ACTR3: variants seen among roughly 807,000 people sequenced by gnomAD.
ACTR3 encodes the protein actin related protein 3, also known as actin-related protein 3.
A neutral mutation model predicts 56.8 loss-of-function variants in ACTR3; 12 were observed. The observed-to-expected ratio is 0.21, with a 90% CI of 0.14 to 0.34. The LOEUF is 0.34. Among genes scored for constraint, ACTR3 ranks in the 10% least tolerant of loss-of-function variants. The pLI is 1.00. For missense variants in ACTR3, 282 were observed against 512.5 expected, an observed-to-expected ratio of 0.55 and a Z score of 4.34; for synonymous variants, 162 against 167.4, an observed-to-expected ratio of 0.97 and a Z score of 0.25.
intron 4 of ACTR3, among the ~76,000 whole-genome samples, chr2:113,928,446 A>AT (rs1231245580): frequency 6.6e-6 from 1 of 152,166 alleles, no homozygotes; most frequent in African/African-American, 2.4e-5. Flanking sequence ...GTGTATGGTT[A>AT]TTCTTTTCAT....
At chr2:113,942,391 A>G (rs780907740) in intron 8 of ACTR3, 32 bp downstream of exon 8, 8 of 1,434,154 alleles carry the variant, frequency 5.6e-6, no homozygotes, top group Non-Finnish European at 7.5e-6. Context: ...GTTTAAAAGT[A>G]TTCAGCAGCA....
chr2:113,936,766 A>G (rs1308917127), intron 6 of ACTR3, among the ~76,000 whole-genome samples: 5 of 152,212 alleles, frequency 3.3e-5, no homozygotes, highest in Admixed American at 6.5e-5. Context: ...AAATTGTGAT[A>G]TAACTACAAT....
chr2:113,908,095 T>C (rs1679233216), intron 1 of ACTR3, among the ~76,000 whole-genome samples: 1 of 151,940 alleles, frequency 6.6e-6, no homozygotes, highest in African/African-American at 2.4e-5. Context: ...GAGAAATGCT[T>C]AATAGGAAAG....
chr2:113,898,236 A>G (rs1679043924), intron 1 of ACTR3, among the ~76,000 whole-genome samples: 6 of 152,060 alleles, frequency 3.9e-5, no homozygotes, highest in Admixed American at 3.9e-4. Flanking sequence ...GTACAAATAT[A>G]GCATTTAATG....
intron 1 of ACTR3, among the ~76,000 whole-genome samples, chr2:113,899,334 A>G (rs1037685733): frequency 2.0e-5 from 3 of 152,184 alleles, no homozygotes; most frequent in Non-Finnish European, 2.9e-5. Context: ...TTTACTCACT[A>G]TGTATTATGT....
At chr2:113,908,323 A>G (rs2104589194) in intron 1 of ACTR3, among the ~76,000 whole-genome samples, 1 of 149,796 alleles carries the variant, frequency 6.7e-6, no homozygotes, top group Non-Finnish European at 1.5e-5. Context: ...TTTCTTCTTT[A>G]TGGTGACTAT....
In ACTR3 at chr2:113,960,278, A is replaced by T. The variant is rs941570584; in HGVS notation, c.*2823A>T. The T allele has an allele frequency of 7.9e-5, 12 of 152,108 alleles. No homozygotes were observed. The highest frequency in any genetic ancestry group is 2.4e-4 in the African/African-American group (10 of 41,548). The allele number at this position is 152,108 out of a possible 1,614,324, so 9.4% of individuals were successfully genotyped here. ...TTAATTCATGGCACCTACTATAAGTACTCATCCTCTTCTTACCTATCTTCT... is the reference window on the plus strand; with the variant it reads ...TTAATTCATGGCACCTACTATAAGTTCTCATCCTCTTCTTACCTATCTTCT... On this transcript the variant is annotated 3_prime_UTR_variant, in exon 12 of 12. Transcript: ENST00000263238.
At chr2:113,926,877 T>G (rs567178272) in intron 3 of ACTR3, among the ~76,000 whole-genome samples, 5 of 150,458 alleles carry the variant, frequency 3.3e-5, no homozygotes, top group African/African-American at 1.2e-4. Context: ...TATAACATTT[T>G]ATGTGCTTGA....
intron 3 of ACTR3, among the ~76,000 whole-genome samples, chr2:113,927,047 C>T (rs1227248373): frequency 1.3e-5 from 2 of 152,118 alleles, no homozygotes; most frequent in Non-Finnish European, 1.5e-5. Context: ...CCTTTTATTA[C>T]AAAACTTTTA....
intron 2 of ACTR3, among the ~76,000 whole-genome samples, chr2:113,916,566 T>C (rs986154372): frequency 6.6e-6 from 1 of 152,112 alleles, no homozygotes; most frequent in African/African-American, 2.4e-5. Flanking sequence ...CATATGTGGA[T>C]TTGGTGGGAT....
intron 1 of ACTR3, among the ~76,000 whole-genome samples, chr2:113,901,077 T>G (rs534155370): frequency 2.0e-5 from 3 of 152,228 alleles, no homozygotes; most frequent in Non-Finnish European, 2.9e-5. Flanking sequence ...CCCAGCACTT[T>G]GGGAGGCCGA....
rs748634077 is a variant in ACTR3, at chr2:113,946,998, T to C, written c.859-4481T>C. 7.6e-4 allele frequency among the ~76,000 whole-genome samples: 116 copies of C among 152,334 alleles called. 1 individual carries two copies. The highest frequency in any genetic ancestry group is 1.3e-3 in the Non-Finnish European group (90 of 68,010). On this transcript the variant is annotated intron_variant, in intron 8 of 11. Transcript: ENST00000263238. ...TCATCCTTGGTCATTTACCTTTCCT[T>C]TTAATTCTCTTGCTGTCATTTTAGC...
chr2:113,948,862 G>T (rs2104626138), intron 8 of ACTR3, among the ~76,000 whole-genome samples: 1 of 123,982 alleles, frequency 8.1e-6, no homozygotes, highest in Admixed American at 7.4e-5. Context: ...ACTTGCTTCT[G>T]TCGGTTCCCA....
At chr2:113,951,048 TTC>T (rs1680112082) in intron 8 of ACTR3, 1 of 157,190 alleles carries the variant, frequency 6.4e-6, no homozygotes, top group Non-Finnish European at 1.4e-5. Flanking sequence ...CATGATTCAA[TTC>T]TCTCTCACCA....
rs143206015 is a variant in ACTR3, at chr2:113,915,504, A to G, written c.101-1380A>G. ...CTGAGGTACTGGCGGTTAGGACTTC[A>G]TATCTTTTTGGTGATACACAATTCA... is the stretch of plus-strand genomic sequence containing the variant. On this transcript the variant is annotated intron_variant, in intron 2 of 11. Coordinates refer to ENST00000263238, the MANE Select transcript of ACTR3 (RefSeq NM_005721.5). Among the ~76,000 whole-genome samples, 71 of 152,274 alleles carry G rather than the reference A, an allele frequency of 4.7e-4. 1 individual carries two copies. In the East Asian group the frequency reaches 7.3e-3, roughly 16 times the overall value.
Position 113,959,476 on chromosome 2 carries a change from C to G in ACTR3, c.*2021C>G, listed in dbSNP as rs971721986. ...TTATAAAGCTATTTGATGACAATCT[C>G]AGGCATATTTATACAGAGATGTTCT... On this transcript the variant is annotated 3_prime_UTR_variant, in exon 12 of 12. Coordinates refer to ENST00000263238, the MANE Select transcript of ACTR3 (RefSeq NM_005721.5). 2 of 151,982 alleles carry G rather than the reference C, an allele frequency of 1.3e-5. No individual in the cohort carries two copies. Among genetic ancestry groups the G allele is most frequent in the Admixed American group, 6.6e-5 (1 of 15,238 alleles). The allele number at this position is 151,982 out of a possible 1,614,324, so 9.4% of individuals were successfully genotyped here.
intron 1 of ACTR3, among the ~76,000 whole-genome samples, chr2:113,902,281 T>C (rs1357798668): frequency 6.6e-6 from 1 of 152,152 alleles, no homozygotes; most frequent in Non-Finnish European, 1.5e-5. Context: ...ACTATTATTC[T>C]TCTAGTCACC....
chr2:113,944,474 G>A (rs1679979426), intron 8 of ACTR3, among the ~76,000 whole-genome samples: 1 of 149,318 alleles, frequency 6.7e-6, no homozygotes, highest in Non-Finnish European at 1.5e-5. Context: ...GTGGAATCAA[G>A]CTTATGTTTT....
At chr2:113,909,917 C>G (rs11890727) in intron 1 of ACTR3, among the ~76,000 whole-genome samples, 45,305 of 151,948 alleles carry the variant, frequency 0.3, 11,107 homozygotes, top group African/African-American at 0.67. Context: ...AATCTTGTAG[C>G]CAGTAGAGCA....
Sources: gnomAD v4.1 joint callset for allele counts (sites outside exome capture counted in the v4.1 genomes callset) on GRCh38, gnomAD v4.1.1 for gene constraint, MANE v1.5 for transcripts, NCBI Gene and HGNC (gene_info 2026-07-23, HGNC 2026-07-21) for gene names.